Variants in CREBBP observed in about 807,000 individuals in gnomAD.
CREBBP encodes CREB-binding protein.
A neutral mutation model predicts 265.0 loss-of-function variants in CREBBP; 19 were observed. The ratio of observed to expected loss-of-function variants is 0.07; its 90% CI spans 0.05 to 0.11. The LOEUF (loss-of-function observed/expected upper bound fraction) is 0.11, where lower values mean the gene tolerates loss of function less well. CREBBP is among the 10% of genes least tolerant of loss of function. CREBBP has a pLI of 1.00. For synonymous variants in CREBBP, 1,457 were observed against 1,223.7 expected (o/e 1.19, Z -3.98); for missense variants, 2,525 against 3,219.0 (o/e 0.78, Z 5.22).
Position 3,751,788 on chromosome 16 carries a change from C to T in CREBBP, c.3717G>A (p.Lys1239=), listed in dbSNP as rs1267819274. 1 of 1,614,164 alleles carries T rather than the reference C, an allele frequency of 6.2e-7. No homozygotes were observed. Among genetic ancestry groups the T allele is most frequent in the Non-Finnish European group, 8.5e-7 (1 of 1,180,042 alleles). ...TCTCGCCCTGGATCTCTGTGAAACA[C>T]TTCTCACAGAAATGATACCTGTCAG... ...SYQNRYHFCE[K]CFTEIQGENV... is the part of the protein sequence containing the mutation. The change falls in exon 20 of 31, where the codon AAG becomes AAA. Residue 1239 remains lysine, a synonymous_variant. Transcript: ENST00000262367.
chr16:3,824,773 TCTAAG>T (rs2141391618), intron 2 of CREBBP, among the ~76,000 whole-genome samples: 1 of 152,278 alleles, frequency 6.6e-6, no homozygotes, highest in East Asian at 1.9e-4. Context: ...ACTGTAACTC[TCTAAG>T]CAAAATGTGC....
chr16:3,802,857 T>A (rs899714506), intron 3 of CREBBP, among the ~76,000 whole-genome samples: 5 of 152,050 alleles, frequency 3.3e-5, no homozygotes, highest in Non-Finnish European at 5.9e-5. Context: ...CCTGGAAACC[T>A]GACTCCTCCA....
chr16:3,753,845 G>C (rs1427931632), intron 19 of CREBBP, among the ~76,000 whole-genome samples: 1 of 152,120 alleles, frequency 6.6e-6, no homozygotes, highest in Non-Finnish European at 1.5e-5. Context: ...AACTAGAAGG[G>C]ACCGTTCAAG....
At chr16:3,785,765 T>C (rs907444938) in intron 5 of CREBBP, among the ~76,000 whole-genome samples, 1 of 152,216 alleles carries the variant, frequency 6.6e-6, no homozygotes, top group African/African-American at 2.4e-5. Context: ...GTGTGCTCAT[T>C]TGGCCATTTT....
intron 2 of CREBBP, among the ~76,000 whole-genome samples, chr16:3,838,814 G>C (rs546842932): frequency 4.6e-5 from 7 of 152,238 alleles, no homozygotes; most frequent in South Asian, 2.1e-4. Flanking sequence ...CTCCCAAGTA[G>C]CTGGGATCAC....
intron 2 of CREBBP, among the ~76,000 whole-genome samples, chr16:3,825,901 T>C (rs2054227733): frequency 6.6e-6 from 1 of 152,216 alleles, no homozygotes. Flanking sequence ...CAAATCTTTA[T>C]GTATGAATTT....
intron 19 of CREBBP, among the ~76,000 whole-genome samples, chr16:3,753,282 C>T (rs2052515948): frequency 6.6e-6 from 1 of 152,244 alleles, no homozygotes; most frequent in Non-Finnish European, 1.5e-5. Context: ...AGTCCCAAAT[C>T]TAATCTTAAT....
In CREBBP at chr16:3,778,061, G is replaced by C. The variant is rs375125948; in HGVS notation, c.2063C>G (p.Pro688Arg). 6.2e-7 allele frequency: 1 copy of C among 1,614,100 alleles called. No homozygotes were observed. Among genetic ancestry groups the C allele is most frequent in the South Asian group, 1.1e-5 (1 of 91,090 alleles). ...ILGNQPALPA[P>R]GAQPPVIPQA... ...TGGAATCACAGGGGGCTGAGCCCCC[G>C]GGGCTGGTAAGGCTGGCTGGTTCCC... Residue 688 changes from proline (P) to arginine (R), a missense_variant, in exon 10 of 31, where the codon CCG becomes CGG. This residue lies in a region of CREBBP where 548 missense variants were observed against 533.0 expected (regional missense o/e 1.03). Transcript: ENST00000262367.
intron 13 of CREBBP, 116 bp from the exon 14 acceptor site, chr16:3,771,102 C>A: frequency 9.0e-7 from 1 of 1,109,812 alleles, no homozygotes; most frequent in Non-Finnish European, 1.3e-6. Flanking sequence ...CAGTTTCACT[C>A]TTGTCGCCCA....
intron 2 of CREBBP, among the ~76,000 whole-genome samples, chr16:3,819,582 G>C (rs751820313): frequency 2.0e-5 from 3 of 152,162 alleles, no homozygotes; most frequent in Admixed American, 6.6e-5. Flanking sequence ...TGGATTATGG[G>C]ACATTTTCAG....
intron 3 of CREBBP, among the ~76,000 whole-genome samples, chr16:3,804,720 G>A (rs1490638504): frequency 1.3e-5 from 2 of 152,224 alleles, no homozygotes; most frequent in African/African-American, 4.8e-5. Flanking sequence ...GGCAGGCAGA[G>A]GCTGCAATGC....
chr16:3,809,652 T>C (rs2053897766), intron 3 of CREBBP, among the ~76,000 whole-genome samples: 1 of 152,176 alleles, frequency 6.6e-6, no homozygotes, highest in Admixed American at 6.5e-5. Flanking sequence ...TACTTAGTTT[T>C]GAGAAAAGAC....
intron 1 of CREBBP, among the ~76,000 whole-genome samples, chr16:3,873,144 C>G (rs1017384336): frequency 1.1e-4 from 17 of 152,154 alleles, no homozygotes; most frequent in African/African-American, 4.1e-4. Flanking sequence ...TAACAGGTAC[C>G]TCAAGATAAA....
chr16:3,821,044 G>A (rs1307653069), intron 2 of CREBBP, among the ~76,000 whole-genome samples: 2 of 152,208 alleles, frequency 1.3e-5, no homozygotes, highest in Non-Finnish European at 2.9e-5. Flanking sequence ...GACGGGTCAA[G>A]GTCACTGGAG....
intron 1 of CREBBP, among the ~76,000 whole-genome samples, chr16:3,869,702 C>G (rs2055253969): frequency 6.6e-6 from 1 of 152,168 alleles, no homozygotes; most frequent in Non-Finnish European, 1.5e-5. Context: ...CATATAGACA[C>G]AGCGTAGAGC....
chr16:3,784,121 T>C (rs1233930444), intron 5 of CREBBP, among the ~76,000 whole-genome samples: 4 of 152,224 alleles, frequency 2.6e-5, no homozygotes, highest in East Asian at 1.9e-4. Context: ...CACACCATTT[T>C]TGATACATAA....
At chr16:3,825,149 G>A (rs2054213690) in intron 2 of CREBBP, among the ~76,000 whole-genome samples, 1 of 152,138 alleles carries the variant, frequency 6.6e-6, no homozygotes, top group South Asian at 2.1e-4. Context: ...GTCAATAACT[G>A]CAAGACAATG....
chr16:3,841,320 A>T (rs1399777023), intron 2 of CREBBP, among the ~76,000 whole-genome samples: 1 of 152,164 alleles, frequency 6.6e-6, no homozygotes, highest in Non-Finnish European at 1.5e-5. Flanking sequence ...AACACCGAGA[A>T]TTTGAAGCAA....
chr16:3,846,668 A>G (rs2054673756), intron 2 of CREBBP, among the ~76,000 whole-genome samples: 2 of 152,206 alleles, frequency 1.3e-5, no homozygotes, highest in African/African-American at 4.8e-5. Context: ...AGAATTTCCA[A>G]CTTGTATTGT....
Sources: gnomAD v4.1 joint callset for allele counts (sites outside exome capture counted in the v4.1 genomes callset) on GRCh38, gnomAD v4.1.1 for gene constraint, gnomAD v4.1.1 regional missense constraint, MANE v1.5 for transcripts, NCBI Gene and HGNC (gene_info 2026-07-23, HGNC 2026-07-21) for gene names.